The following TMBIM1 variants were observed in gnomAD, a reference collection of about 807,000 sequenced individuals.
TMBIM1 encodes the protein transmembrane BAX inhibitor motif containing 1.
Under a neutral mutation model 45.1 loss-of-function variants are expected in TMBIM1, and 34 were observed. The ratio of observed to expected loss-of-function variants is 0.75; its 90% confidence interval spans 0.57 to 1.00. The LOEUF (loss-of-function observed/expected upper bound fraction) is 1.00, where lower values mean the gene tolerates loss of function less well. Among genes scored for constraint, TMBIM1 ranks in the 50% least tolerant of loss-of-function variants. The pLI is 0.00. For missense variants in TMBIM1, 374 were observed against 402.4 expected (o/e 0.93, Z 0.60); for synonymous variants, 157 against 153.5 (o/e 1.02, Z -0.17).
At chr2:218,278,742 C>T (rs1691531459) in intron 5 of TMBIM1, among the ~76,000 whole-genome samples, 177 bp from the exon 6 acceptor site, 1 of 152,188 alleles carries the variant, frequency 6.6e-6, no homozygotes, top group Non-Finnish European at 1.5e-5. Flanking sequence ...TCTGAAGCAC[C>T]AGGCTCCGGC....
At chr2:218,277,584 T>TC (rs1691355990) in intron 8 of TMBIM1, 49 bp downstream of exon 8, 1 of 1,613,126 alleles carries the variant, frequency 6.2e-7, no homozygotes, top group African/African-American at 1.3e-5. Flanking sequence ...AACACCCCAC[T>TC]CCCCACAATA....
chr2:218,292,241 A>C (rs1017011035), intron 1 of TMBIM1, among the ~76,000 whole-genome samples: 2 of 152,204 alleles, frequency 1.3e-5, no homozygotes, highest in Admixed American at 1.3e-4. Flanking sequence ...AAGGCTAACC[A>C]GGTGCCACAG....
intron 1 of TMBIM1, among the ~76,000 whole-genome samples, chr2:218,290,467 G>T (rs1692861722): frequency 6.6e-6 from 1 of 152,176 alleles, no homozygotes; most frequent in Admixed American, 6.5e-5. Flanking sequence ...GCAGTCACAT[G>T]AAGTACTAGA....
rs889388857 is a variant in TMBIM1, at chr2:218,279,319, G to T, written c.338C>A (p.Thr113Asn). The change falls in exon 4 of 12, where the codon ACT becomes AAT. Residue 113 changes from threonine (T) to asparagine (N), a missense_variant. Coordinates refer to ENST00000258412, the MANE Select transcript of TMBIM1 (RefSeq NM_022152.6). ...GGTGAAGATAGCAATGATGGCCACA[G>T]TGATGAGCAGCTGCACGGAGATGAT... ...YSIISVQLLI[T>N]VAIIAIFTFV... is the part of the protein sequence containing the mutation. The T allele has an allele frequency of 5.7e-6, 9 of 1,589,080 alleles. No homozygotes were observed. Among genetic ancestry groups the T allele is most frequent in the African/African-American group, 1.3e-5 (1 of 74,176 alleles).
At chr2:218,285,099 A>G (rs1692400022) in intron 1 of TMBIM1, among the ~76,000 whole-genome samples, 1 of 152,196 alleles carries the variant, frequency 6.6e-6, no homozygotes, top group South Asian at 2.1e-4. Context: ...CGAAGAAAAT[A>G]AAAAAGAAAA....
intron 2 of TMBIM1, 66 bp downstream of exon 2, chr2:218,281,874 G>A (rs537054956): frequency 3.9e-5 from 49 of 1,255,252 alleles, no homozygotes; most frequent in Middle Eastern, 2.4e-4. Flanking sequence ...GGCAGGAGGC[G>A]GTGGCCTCAT....
chr2:218,281,861 A>C (rs1692036831), intron 2 of TMBIM1, 79 bp downstream of exon 2: 2 of 1,087,910 alleles, frequency 1.8e-6, no homozygotes, highest in South Asian at 2.8e-5. Flanking sequence ...AGAAGAGAAA[A>C]GGGGCAGGAG....
chr2:218,279,465 C>G, intron 3 of TMBIM1, 112 bp from the exon 4 acceptor site: 1 of 1,019,350 alleles, frequency 9.8e-7, no homozygotes, highest in Non-Finnish European at 1.4e-6. Context: ...TAGCTGCAGC[C>G]TGGCCCAGAG....
Position 218,275,483 on chromosome 2 carries a change from G to A in TMBIM1, c.928C>T (p.Arg310Cys), listed in dbSNP as rs766550762. 36 of 1,613,014 alleles carry A rather than the reference G, an allele frequency of 2.2e-5. No individual in the cohort carries two copies. Among genetic ancestry groups the A allele is most frequent in the Non-Finnish European group, 2.6e-5 (31 of 1,179,456 alleles). Residue 310 changes from arginine to cysteine, a missense_variant, in exon 12 of 12, where the codon CGC becomes TGC. Arg to Cys is a radical substitution (Grantham distance 180). Transcript: ENST00000258412. ...FTFVLQLMGD[R>C]N ...AAATGGGGGCTTGCTCCTTAATTGC[G>A]ATCCCCCATCAGCTGCAGCACAAAG...
intron 1 of TMBIM1, chr2:218,286,781 G>A (rs1307279756): frequency 6.6e-6 from 1 of 152,260 alleles, no homozygotes; most frequent in African/African-American, 2.4e-5. Flanking sequence ...TATGTGTACT[G>A]GAGGGAGGGA....
At chr2:218,282,543 A>C (rs1455007394) in intron 1 of TMBIM1, among the ~76,000 whole-genome samples, 5 of 152,252 alleles carry the variant, frequency 3.3e-5, no homozygotes, top group African/African-American at 9.6e-5. Context: ...CCAGCGAAGA[A>C]GCCAGATGGG....
intron 1 of TMBIM1, among the ~76,000 whole-genome samples, chr2:218,284,734 A>G (rs1692361783): frequency 6.6e-6 from 1 of 152,234 alleles, no homozygotes; most frequent in Non-Finnish European, 1.5e-5. Flanking sequence ...CTTCACCTGG[A>G]AAATGGGTCT....
In TMBIM1 at chr2:218,274,626, A is replaced by G. The variant is rs1691026113; in HGVS notation, c.*849T>C. ...CCCTGGCTACTTCCTGGCCACACGT[A>G]TGACTCTGCCCCTTACTTTCTGCTC... On this transcript the variant is annotated 3_prime_UTR_variant, in exon 12 of 12. Transcript: ENST00000258412. 1 of 155,504 alleles carries G rather than the reference A, an allele frequency of 6.4e-6. No individual in the cohort carries two copies. Among genetic ancestry groups the G allele is most frequent in the Admixed American group, 6.5e-5 (1 of 15,286 alleles). 9.6% of individuals were successfully genotyped at this position (155,504 alleles called of 1,614,324 possible). A position where few individuals can be genotyped will look rare whatever the true frequency, so the allele number is the denominator to read the frequency against.
At chr2:218,275,662 A>T (rs72947598) in intron 11 of TMBIM1, 41 bp from the exon 12 acceptor site, 109 of 1,590,776 alleles carry the variant, frequency 6.9e-5, no homozygotes, top group Non-Finnish European at 9.1e-5. Context: ...CTCAGGCATC[A>T]GTGTCCAGAG....
rs1212094891 is a variant in TMBIM1, at chr2:218,283,645, CGT to C, written c.-40-1466_-40-1465del. 3.3e-5 allele frequency among the ~76,000 whole-genome samples: 5 copies of C among 152,304 alleles called. No individual in the cohort carries two copies. In the East Asian group the frequency reaches 9.7e-4, roughly 29 times the overall value. ...CTCTGCTGGAAGCAAGAGAGACCAG[CGT>C]CTCTTTTTAGGGCACATTGCATAGT... is the stretch of plus-strand genomic sequence containing the variant. On this transcript the variant is annotated intron_variant, in intron 1 of 11. Coordinates refer to ENST00000258412, the MANE Select transcript of TMBIM1 (RefSeq NM_022152.6).
rs536393381 is a variant in TMBIM1, at chr2:218,274,878, T to A, written c.*597A>T. 1 of 153,258 alleles carries A rather than the reference T, an allele frequency of 6.5e-6. No homozygotes were observed. Among genetic ancestry groups the A allele is most frequent in the South Asian group, 2.1e-4 (1 of 4,836 alleles). 9.5% of individuals were successfully genotyped at this position (153,258 alleles called of 1,614,324 possible). A position where few individuals can be genotyped will look rare whatever the true frequency, so the allele number is the denominator to read the frequency against. On this transcript the variant is annotated 3_prime_UTR_variant, in exon 12 of 12. Coordinates refer to ENST00000258412, the MANE Select transcript of TMBIM1 (RefSeq NM_022152.6). ...ATCTGTCCCCCATCCCTAACCCAGATAAACAATACATATGTCACTGAAACA... is the reference window on the plus strand; with the variant it reads ...ATCTGTCCCCCATCCCTAACCCAGAAAAACAATACATATGTCACTGAAACA...
chr2:218,278,215 G>A, intron 6 of TMBIM1: 1 of 606,054 alleles, frequency 1.7e-6, no homozygotes. Flanking sequence ...CTCTTAAACT[G>A]ACTGCCTGTG....
In TMBIM1 at chr2:218,279,320, T is replaced by G; in HGVS notation, c.337A>C (p.Thr113Pro). The change falls in exon 4 of 12, where the codon ACT becomes CCT. Residue 113 changes from threonine to proline, a missense_variant. By Grantham distance (38) the Thr-to-Pro change is conservative (BLOSUM62 -1). Transcript: ENST00000258412. ...GTGAAGATAGCAATGATGGCCACAG[T>G]GATGAGCAGCTGCACGGAGATGATG... is the stretch of plus-strand genomic sequence containing the variant. ...YSIISVQLLI[T>P]VAIIAIFTFV... 1 of 1,588,718 alleles carries G rather than the reference T, an allele frequency of 6.3e-7. No homozygotes were observed. The highest frequency in any genetic ancestry group is 1.1e-5 in the South Asian group (1 of 87,344).
chr2:218,277,825 AGGT>A, intron 7 of TMBIM1, 107 bp downstream of exon 7: 7 of 1,554,338 alleles, frequency 4.5e-6, no homozygotes, highest in Non-Finnish European at 5.3e-6. Context: ...GGCCCAGATA[AGGT>A]GGAGGAGACA....
Sources: allele counts gnomAD v4.1 joint callset (sites outside exome capture counted in the v4.1 genomes callset), GRCh38; gene constraint gnomAD v4.1.1; transcripts MANE v1.5; gene names NCBI Gene and HGNC (gene_info 2026-07-23, HGNC 2026-07-21).